Variants in AGBL4 observed in about 807,000 individuals in gnomAD.
AGBL4 encodes the protein cytosolic carboxypeptidase 6.
A neutral mutation model predicts 66.4 loss-of-function variants in AGBL4; 58 were observed. The observed-to-expected ratio is 0.87, with a 90% CI of 0.71 to 1.09. AGBL4 has a LOEUF of 1.09. Among genes scored for constraint, AGBL4 ranks in the 50% least tolerant of loss-of-function variants. The probability of loss-of-function intolerance (pLI) is 0.00; values close to 1 mark genes in which losing one functional copy is unlikely to be tolerated. For synonymous variants in AGBL4, 234 were observed against 222.9 expected, an observed-to-expected ratio of 1.05 and a Z score of -0.44; for missense variants, 579 against 631.0, an observed-to-expected ratio of 0.92 and a Z score of 0.88.
chr1:49,228,527 T>C (rs1174884795), intron 4 of AGBL4, among the ~76,000 whole-genome samples: 2 of 152,132 alleles, frequency 1.3e-5, no homozygotes, highest in African/African-American at 4.8e-5. Flanking sequence ...TATGTGAATA[T>C]CTAAGAAACT....
rs140529663 is a variant in AGBL4 at position 48,564,561 on chromosome 1, A to C, written c.1267+22443T>G. ...TTTCTATGTCTATGCTTTTGTTTCC[A>C]TACTTCCCCTGCCTATCAACTTGTT... On this transcript the variant is annotated intron_variant, in intron 11 of 13. Coordinates refer to ENST00000371839, the MANE Select transcript of AGBL4 (RefSeq NM_032785.4). 1.4e-4 allele frequency among the ~76,000 whole-genome samples: 21 copies of C among 152,144 alleles called. No individual in the cohort carries two copies. In the East Asian group the frequency reaches 3.3e-3, roughly 24 times the overall value.
At chr1:49,166,758 G>T (rs1646642701) in intron 4 of AGBL4, among the ~76,000 whole-genome samples, 1 of 152,008 alleles carries the variant, frequency 6.6e-6, no homozygotes, top group African/African-American at 2.4e-5. Flanking sequence ...GTTCTGTTCA[G>T]CTTTTACTTC....
intron 3 of AGBL4, among the ~76,000 whole-genome samples, chr1:49,469,069 T>C (rs189838359): frequency 3.2e-4 from 49 of 151,908 alleles, no homozygotes; most frequent in Non-Finnish European, 5.7e-4. Flanking sequence ...CAGTGATGCA[T>C]GTTTATACAT....
intron 6 of AGBL4, among the ~76,000 whole-genome samples, chr1:48,750,589 T>C (rs1409051644): frequency 6.6e-6 from 1 of 152,156 alleles, no homozygotes; most frequent in Non-Finnish European, 1.5e-5. Context: ...GACTGTGACT[T>C]CTTTAAGGTG....
intron 4 of AGBL4, among the ~76,000 whole-genome samples, chr1:49,177,495 C>G (rs1279158308): frequency 3.9e-5 from 6 of 152,106 alleles, no homozygotes; most frequent in Non-Finnish European, 7.4e-5. Flanking sequence ...TGCCTATTTG[C>G]TGATGAAAAA....
At chr1:49,207,494 TTTC>T (rs1380732316) in intron 4 of AGBL4, among the ~76,000 whole-genome samples, 4 of 148,754 alleles carry the variant, frequency 2.7e-5, no homozygotes, top group African/African-American at 7.4e-5. Context: ...CTTTCTTTCT[TTTC>T]TTTCTTTCTT....
chr1:49,560,216 A>G (rs1409111505), intron 3 of AGBL4, among the ~76,000 whole-genome samples: 2 of 152,170 alleles, frequency 1.3e-5, no homozygotes, highest in African/African-American at 2.4e-5. Flanking sequence ...AAACTCAAAG[A>G]AATCCAAGAT....
chr1:49,469,754 T>G (rs1424875985), intron 3 of AGBL4: 1 of 151,946 alleles, frequency 6.6e-6, no homozygotes, highest in African/African-American at 2.4e-5. Flanking sequence ...AAGCTGCTGC[T>G]AAGAAGCTGA....
intron 1 of AGBL4, among the ~76,000 whole-genome samples, chr1:49,950,105 T>TAC (rs773441815): frequency 7.0e-5 from 10 of 141,970 alleles, no homozygotes; most frequent in East Asian, 4.2e-4. Flanking sequence ...CACATATATA[T>TAC]ACATATGTAT....
chr1:48,828,185 CAA>C (rs569351077), intron 6 of AGBL4, among the ~76,000 whole-genome samples: 14 of 123,364 alleles, frequency 1.1e-4, no homozygotes, highest in Admixed American at 1.7e-4. Flanking sequence ...AACTCCATCT[CAA>C]AAAAAAAAAA....
intron 3 of AGBL4, among the ~76,000 whole-genome samples, chr1:49,571,057 TG>T (rs1644319383): frequency 6.6e-6 from 1 of 152,078 alleles, no homozygotes; most frequent in South Asian, 2.1e-4. Context: ...AGGATTGCTT[TG>T]TTTATTTGGG....
chr1:49,733,540 A>C (rs1649620348), intron 2 of AGBL4, among the ~76,000 whole-genome samples: 1 of 152,192 alleles, frequency 6.6e-6, no homozygotes, highest in African/African-American at 2.4e-5. Flanking sequence ...TAGGAAGTCC[A>C]AGATGAAGGA....
At chr1:49,678,645 G>A (rs1236106101) in intron 3 of AGBL4, among the ~76,000 whole-genome samples, 1 of 151,950 alleles carries the variant, frequency 6.6e-6, no homozygotes, top group Non-Finnish European at 1.5e-5. Flanking sequence ...ACAAATTTTG[G>A]TAAGTTGTAT....
chr1:49,797,327 T>G (rs1644754896), intron 2 of AGBL4, among the ~76,000 whole-genome samples: 1 of 152,198 alleles, frequency 6.6e-6, no homozygotes, highest in Non-Finnish European at 1.5e-5. Context: ...TTTCTGAACC[T>G]CAAAATATAA....
rs1569698289 is a variant in AGBL4 at position 49,124,330 on chromosome 1, A to G, written c.378-78530T>C. The stretch of plus-strand genomic sequence containing the variant: ...AGAACAGAAAGGTAAGGGTCAAATG[A>G]TAGAAGATAGAACAATTTTTCCAAA... On this transcript the variant is annotated intron_variant, in intron 4 of 13. Coordinates refer to ENST00000371839, the MANE Select transcript of AGBL4 (RefSeq NM_032785.4). Among the ~76,000 whole-genome samples, 3 of 152,348 alleles carry G rather than the reference A, an allele frequency of 2.0e-5. No individual in the cohort carries two copies. In the Middle Eastern group the frequency reaches 0.01, roughly 518 times the overall value.
intron 3 of AGBL4, among the ~76,000 whole-genome samples, chr1:49,542,428 C>T (rs1466260704): frequency 6.6e-6 from 1 of 152,148 alleles, no homozygotes; most frequent in African/African-American, 2.4e-5. Flanking sequence ...ACTCTCAACA[C>T]ATCCGAACAT....
chr1:49,563,824 A>C (rs1472081730), intron 3 of AGBL4, among the ~76,000 whole-genome samples: 18 of 151,198 alleles, frequency 1.2e-4, no homozygotes, highest in East Asian at 7.8e-4. Context: ...CTGGCCTCAT[A>C]AAATGAGTTA....
intron 6 of AGBL4, among the ~76,000 whole-genome samples, chr1:48,709,039 T>G (rs1646922225): frequency 1.3e-5 from 2 of 152,198 alleles, no homozygotes. Flanking sequence ...CCGAGTGGCC[T>G]CATGGAAGTC....
chr1:49,683,770 C>T (rs1646739795), intron 3 of AGBL4, among the ~76,000 whole-genome samples: 1 of 152,102 alleles, frequency 6.6e-6, no homozygotes, highest in African/African-American at 2.4e-5. Flanking sequence ...AAGAATGAAT[C>T]CCAAATTTTT....
Sources: gnomAD v4.1 joint callset for allele counts (sites outside exome capture counted in the v4.1 genomes callset) on GRCh38, gnomAD v4.1.1 for gene constraint, MANE v1.5 for transcripts, NCBI Gene and HGNC (gene_info 2026-07-23, HGNC 2026-07-21) for gene names.